Variants in CSMD1 observed in about 807,000 individuals in gnomAD.
CSMD1 encodes the protein CUB and Sushi multiple domains 1.
In CSMD1, 213 loss-of-function variants were observed where a neutral mutation model predicts 417.5. That is an observed-to-expected ratio of 0.51 (90% CI 0.46 to 0.57). The LOEUF (loss-of-function observed/expected upper bound fraction) is 0.57. CSMD1 is among the 20% of genes least tolerant of loss of function. CSMD1 has a pLI of 0.00. For synonymous variants in CSMD1, 2,862 were observed against 1,736.8 expected, an observed-to-expected ratio of 1.65 and a Z score of -16.11; for missense variants, 6,923 against 4,529.7, an observed-to-expected ratio of 1.53 and a Z score of -15.17.
chr8:3,476,625 A>T (rs1223719308), intron 11 of CSMD1, among the ~76,000 whole-genome samples: 1 of 152,100 alleles, frequency 6.6e-6, no homozygotes, highest in African/African-American at 2.4e-5. Flanking sequence ...ACAAGGATAA[A>T]TAATGAATCA....
At chr8:3,370,947 G>C (rs539088559) in intron 18 of CSMD1, among the ~76,000 whole-genome samples, 144 of 151,910 alleles carry the variant, frequency 9.5e-4, no homozygotes, top group Non-Finnish European at 1.8e-3. Flanking sequence ...TTGCACTCCA[G>C]CCTGGGGCAA....
chr8:3,837,791 TATCCA>T (rs1802805600), intron 5 of CSMD1, among the ~76,000 whole-genome samples: 1 of 152,152 alleles, frequency 6.6e-6, no homozygotes, highest in Non-Finnish European at 1.5e-5. Context: ...CAGACTGCAC[TATCCA>T]CTGACAAAGA....
At chr8:4,749,473 G>C (rs1484048349) in intron 1 of CSMD1, among the ~76,000 whole-genome samples, 2 of 152,152 alleles carry the variant, frequency 1.3e-5, no homozygotes, top group Admixed American at 1.3e-4. Context: ...TCTTGAGAAA[G>C]GAATTCCAAG....
intron 1 of CSMD1, among the ~76,000 whole-genome samples, chr8:4,670,388 TA>T (rs1281056861): frequency 6.6e-6 from 1 of 152,140 alleles, no homozygotes; most frequent in East Asian, 1.9e-4. Context: ...GTTCTCCTAA[TA>T]AGTGAAGTCA....
At chr8:4,613,508 A>T (rs922528195) in intron 2 of CSMD1, among the ~76,000 whole-genome samples, 1 of 152,216 alleles carries the variant, frequency 6.6e-6, no homozygotes, top group Non-Finnish European at 1.5e-5. Flanking sequence ...CTAGTGTGGC[A>T]GGCTCTCATC....
rs552136566 is a variant in CSMD1 at position 3,146,520 on chromosome 8, T to C, written c.6032-3846A>G. ...ATAAGGAAACAAGTTTCAAAAACAT[T>C]TGAGTATCTTGTGCAATCATTGGTA... On this transcript the variant is annotated intron_variant, in intron 40 of 69. Transcript: ENST00000635120. Among the ~76,000 whole-genome samples, 11 of 152,322 alleles carry C rather than the reference T, an allele frequency of 7.2e-5. No homozygotes were observed. In the South Asian group the frequency reaches 2.3e-3, roughly 32 times the overall value.
intron 3 of CSMD1, among the ~76,000 whole-genome samples, chr8:4,165,182 A>C (rs1459600491): frequency 6.6e-6 from 1 of 152,140 alleles, no homozygotes; most frequent in African/African-American, 2.4e-5. Context: ...ACGCCTAGCC[A>C]GTAACTATCA....
At chr8:3,308,567 A>G (rs1805074412) in intron 23 of CSMD1, 64 bp from the exon 24 acceptor site, 1 of 1,341,820 alleles carries the variant, frequency 7.5e-7, no homozygotes, top group Non-Finnish European at 1.0e-6. Flanking sequence ...TAAAACAGAG[A>G]TGAAACAAAC....
rs1464807771 is a variant in CSMD1, at chr8:4,718,766, T to A, written c.86-81208A>T. Reference sequence around the variant, plus strand: ...CAACCAATTTTATAAAAGAAAATACTCTTTTTAAAGCAATAGAAACTTAAA... The same window carrying A: ...CAACCAATTTTATAAAAGAAAATACACTTTTTAAAGCAATAGAAACTTAAA... On this transcript the variant is annotated intron_variant, in intron 1 of 69. Transcript: ENST00000635120. Among the ~76,000 whole-genome samples the A allele has an allele frequency of 3.9e-5, 6 of 152,164 alleles. No homozygotes were observed. In the Middle Eastern group the frequency reaches 0.017, roughly 437 times the overall value.
intron 4 of CSMD1, among the ~76,000 whole-genome samples, chr8:4,000,572 C>T (rs186848065): frequency 1.9e-4 from 29 of 152,148 alleles, no homozygotes; most frequent in Admixed American, 3.3e-4. Flanking sequence ...TCATACTCTA[C>T]GTTGTTTTTC....
At position 4,133,109 on chromosome 8, in the gene CSMD1, T is replaced by C. The variant is rs561874007; in HGVS notation, c.416-101010A>G. On this transcript the variant is annotated intron_variant, in intron 3 of 69. Coordinates refer to ENST00000635120, the MANE Select transcript of CSMD1 (RefSeq NM_033225.6). ...CGCCACCATGCCCGGATAATTTTTC[T>C]GTATTTTTAGTAGAGAAGGGGTTTC... Among the ~76,000 whole-genome samples, 34 of 152,170 alleles carry C rather than the reference T, an allele frequency of 2.2e-4. No individual in the cohort carries two copies. The South Asian group carries it at 6.5e-3, about 29-fold the overall frequency.
intron 6 of CSMD1, among the ~76,000 whole-genome samples, chr8:3,752,514 T>A (rs1797394143): frequency 6.6e-6 from 1 of 151,038 alleles, no homozygotes; most frequent in Non-Finnish European, 1.5e-5. Flanking sequence ...ATTAGCCGGG[T>A]GTGGTGGTCT....
intron 2 of CSMD1, among the ~76,000 whole-genome samples, chr8:4,554,980 C>A (rs780487115): frequency 6.6e-6 from 1 of 152,128 alleles, no homozygotes; most frequent in Non-Finnish European, 1.5e-5. Flanking sequence ...GCCACCAGGG[C>A]CCCTGAGGAA....
At chr8:4,449,317 G>A (rs1798993830) in intron 2 of CSMD1, among the ~76,000 whole-genome samples, 1 of 152,160 alleles carries the variant, frequency 6.6e-6, no homozygotes, top group Non-Finnish European at 1.5e-5. Context: ...AGACTCAAAT[G>A]AGCATCTGTC....
chr8:3,142,781 C>G, intron 40 of CSMD1, 107 bp from the exon 41 acceptor site: 1 of 952,632 alleles, frequency 1.0e-6, no homozygotes, highest in Non-Finnish European at 1.7e-6. Context: ...CAATCCCTCT[C>G]TGTGAGACAG....
At chr8:3,278,943 G>A (rs541455428) in intron 26 of CSMD1, 13 of 152,276 alleles carry the variant, frequency 8.5e-5, no homozygotes, top group African/African-American at 2.9e-4. Flanking sequence ...TCTTAATTAC[G>A]ACTGAGGGGT....
At chr8:3,711,730 C>T (rs867407515) in intron 6 of CSMD1, among the ~76,000 whole-genome samples, 3 of 152,138 alleles carry the variant, frequency 2.0e-5, no homozygotes, top group Non-Finnish European at 2.9e-5. Flanking sequence ...TGCTTTCATC[C>T]AAAATGGCAA....
At chr8:3,351,810 A>G (rs1055063751) in intron 21 of CSMD1, among the ~76,000 whole-genome samples, 1 of 150,134 alleles carries the variant, frequency 6.7e-6, no homozygotes, top group African/African-American at 2.4e-5. Flanking sequence ...TACAATGTGT[A>G]CTCACTATTT....
chr8:4,573,879 C>T (rs985242521), intron 2 of CSMD1, among the ~76,000 whole-genome samples: 5 of 152,264 alleles, frequency 3.3e-5, no homozygotes, highest in Non-Finnish European at 4.4e-5. Flanking sequence ...TGCAGTGGTG[C>T]GTTCTGCCCA....
Sources: gnomAD v4.1 joint callset for allele counts (sites outside exome capture counted in the v4.1 genomes callset) on GRCh38, gnomAD v4.1.1 for gene constraint, MANE v1.5 for transcripts, NCBI Gene and HGNC (gene_info 2026-07-23, HGNC 2026-07-21) for gene names.